SPRED2: variants seen among roughly 807,000 people sequenced by gnomAD.
The protein encoded by SPRED2 is sprouty-related, EVH1 domain-containing protein 2.
A neutral mutation model predicts 43.0 loss-of-function variants in SPRED2; 47 were observed. The ratio of observed to expected loss-of-function variants is 1.09; its 90% CI spans 0.87 to 1.40. SPRED2 has a LOEUF of 1.40. Among genes scored for constraint, SPRED2 ranks in the 40% most tolerant of loss-of-function variants. SPRED2 has a pLI of 0.00. For missense variants in SPRED2, 561 were observed against 586.4 expected (o/e 0.96, Z 0.45); for synonymous variants, 225 against 225.7 (o/e 1.00, Z 0.03).
At chr2:65,401,927 G>GCGCGCA (rs1553426566) in intron 1 of SPRED2, among the ~76,000 whole-genome samples, 5 of 29,992 alleles carry the variant, frequency 1.7e-4, no homozygotes, top group African/African-American at 6.9e-4. Context: ...CAGAATATTA[G>GCGCGCA]CGCGCGCGCG....
At chr2:65,307,370 A>G (rs979194934), downstream of SPRED2, among the ~76,000 whole-genome samples, 1 of 151,760 alleles carries the variant, frequency 6.6e-6, no homozygotes, top group Non-Finnish European at 1.5e-5. Context: ...TAATTTTTGT[A>G]TTTTTAGTAG....
At chr2:65,422,094 A>C (rs1676438299) in intron 1 of SPRED2, among the ~76,000 whole-genome samples, 1 of 110,576 alleles carries the variant, frequency 9.0e-6, no homozygotes, top group Non-Finnish European at 2.0e-5. Context: ...ACACACACAC[A>C]CACACACACA....
intron 2 of SPRED2, among the ~76,000 whole-genome samples, chr2:65,340,521 G>T (rs570674760): frequency 6.6e-6 from 1 of 152,244 alleles, no homozygotes; most frequent in East Asian, 1.9e-4. Context: ...CCATAAAGAG[G>T]TTTCTCATAA....
At chr2:65,386,899 T>C (rs377145918) in intron 1 of SPRED2, among the ~76,000 whole-genome samples, 15 of 152,026 alleles carry the variant, frequency 9.9e-5, no homozygotes, top group Middle Eastern at 3.4e-3. Context: ...AATAAGAATG[T>C]CTGCTTTAGA....
intron 2 of SPRED2, among the ~76,000 whole-genome samples, chr2:65,342,825 A>G (rs1450896434): frequency 6.6e-6 from 1 of 152,232 alleles, no homozygotes; most frequent in Non-Finnish European, 1.5e-5. Context: ...ACTGTTTAAA[A>G]ATATGGCTGG....
chr2:65,412,712 C>T (rs543841148), intron 1 of SPRED2, among the ~76,000 whole-genome samples: 1 of 152,160 alleles, frequency 6.6e-6, no homozygotes, highest in Admixed American at 6.5e-5. Flanking sequence ...TATGAGAATA[C>T]AGCTTCTTCA....
At chr2:65,314,754 C>T (rs1001850830) in intron 5 of SPRED2, among the ~76,000 whole-genome samples, 1 of 152,154 alleles carries the variant, frequency 6.6e-6, no homozygotes, top group Non-Finnish European at 1.5e-5. Flanking sequence ...CTTCATTATC[C>T]ATATGTGCAC....
At position 65,427,076 on chromosome 2, in the gene SPRED2, A is replaced by AT. The variant is rs976139142; in HGVS notation, c.26+4885dup. Among the ~76,000 whole-genome samples the AT allele has an allele frequency of 2.2e-4, 33 of 150,976 alleles. No individual in the cohort carries two copies. The South Asian group carries it at 3.6e-3, about 16-fold the overall frequency. On this transcript the variant is annotated intron_variant, in intron 1 of 5. Transcript: ENST00000356388. The stretch of plus-strand genomic sequence containing the variant: ...TTTTTTGTTTTTTCTTACTTTTAAG[A>AT]TTTTTTTTTCCTGGAGACAGGGTGT...
chr2:65,351,529 A>G (rs955224751), intron 1 of SPRED2, among the ~76,000 whole-genome samples: 7 of 152,000 alleles, frequency 4.6e-5, no homozygotes, highest in Non-Finnish European at 8.8e-5. Flanking sequence ...CTCCAGCCCA[A>G]CTCCCAGACG....
chr2:65,378,148 TTTAA>T (rs1453616931), intron 1 of SPRED2: 2 of 155,830 alleles, frequency 1.3e-5, no homozygotes, highest in Non-Finnish European at 2.9e-5. Context: ...ACAATGACAG[TTTAA>T]TTACCCTGGG....
chr2:65,319,658 G>A (rs1241011997), intron 4 of SPRED2, among the ~76,000 whole-genome samples: 1 of 152,168 alleles, frequency 6.6e-6, no homozygotes, highest in Non-Finnish European at 1.5e-5. Flanking sequence ...CTCCTCCCCA[G>A]GTTCCCTCCT....
At chr2:65,343,832 C>T (rs1053687419) in intron 2 of SPRED2, among the ~76,000 whole-genome samples, 1 of 152,136 alleles carries the variant, frequency 6.6e-6, no homozygotes, top group Non-Finnish European at 1.5e-5. Flanking sequence ...AAGTATTTAT[C>T]TATAAGCATG....
In SPRED2 at chr2:65,416,842, T is replaced by C. The variant is rs1045842941; in HGVS notation, c.26+15120A>G. ...TCTGTCTCAAGCCTAGGTTTGTAGA[T>C]GCCCTTGGCCATGATACTTACTAGC... On this transcript the variant is annotated intron_variant, in intron 1 of 5. Transcript: ENST00000356388. Among the ~76,000 whole-genome samples the C allele has an allele frequency of 2.6e-5, 4 of 152,210 alleles. No homozygotes were observed. The East Asian group carries it at 7.7e-4, about 29-fold the overall frequency.
At chr2:65,342,275 T>A (rs1674211151) in intron 2 of SPRED2, among the ~76,000 whole-genome samples, 2 of 143,884 alleles carry the variant, frequency 1.4e-5, no homozygotes, top group African/African-American at 5.1e-5. Flanking sequence ...ATATTTTGTA[T>A]ACGTATATTA....
At chr2:65,316,572 G>A (rs984079618) in intron 5 of SPRED2, among the ~76,000 whole-genome samples, 162 bp downstream of exon 5, 1 of 152,246 alleles carries the variant, frequency 6.6e-6, no homozygotes, top group Non-Finnish European at 1.5e-5. Flanking sequence ...GGATGAGGCT[G>A]AGGTGCCACC....
intron 1 of SPRED2, among the ~76,000 whole-genome samples, chr2:65,398,925 T>C (rs1216449524): frequency 2.0e-5 from 3 of 152,182 alleles, no homozygotes; most frequent in Non-Finnish European, 4.4e-5. Flanking sequence ...AGAAGCACAA[T>C]GCGCAACTGC....
At chr2:65,418,055 C>G (rs78866005) in intron 1 of SPRED2, among the ~76,000 whole-genome samples, 2,959 of 152,280 alleles carry the variant, frequency 0.019, 88 homozygotes, top group African/African-American at 0.067. Context: ...GTTTCTATAT[C>G]CAGGCTCACT....
intron 1 of SPRED2, among the ~76,000 whole-genome samples, chr2:65,423,042 C>T (rs1202739709): frequency 6.6e-6 from 1 of 152,188 alleles, no homozygotes; most frequent in Non-Finnish European, 1.5e-5. Flanking sequence ...AGTAAAATTA[C>T]TGGGATGTTG....
At chr2:65,367,806 A>C (rs1462247194) in intron 1 of SPRED2, among the ~76,000 whole-genome samples, 2 of 152,226 alleles carry the variant, frequency 1.3e-5, no homozygotes, top group Non-Finnish European at 2.9e-5. Context: ...GGTTTTGGAA[A>C]TGCTCCATGA....
Sources: gnomAD v4.1 joint callset for allele counts (sites outside exome capture counted in the v4.1 genomes callset) on GRCh38, gnomAD v4.1.1 for gene constraint, MANE v1.5 for transcripts, NCBI Gene and HGNC (gene_info 2026-07-23, HGNC 2026-07-21) for gene names.